Variants in CRB1 observed in about 807,000 individuals in gnomAD.
The protein encoded by CRB1 is protein crumbs homolog 1.
A neutral mutation model predicts 120.0 loss-of-function variants in CRB1; 83 were observed. The observed-to-expected ratio is 0.69, with a 90% CI of 0.58 to 0.83. CRB1 has a LOEUF of 0.83. Among genes scored for constraint, CRB1 ranks in the 40% least tolerant of loss-of-function variants. The probability of loss-of-function intolerance (pLI) is 0.00; values close to 1 mark genes in which losing one functional copy is unlikely to be tolerated. For missense variants in CRB1, 1,699 were observed against 1,687.6 expected (o/e 1.01, Z -0.12); for synonymous variants, 625 against 612.5 (o/e 1.02, Z -0.30).
chr1:197,272,603 A>T (rs1654967608), intron 1 of CRB1, among the ~76,000 whole-genome samples: 1 of 152,184 alleles, frequency 6.6e-6, no homozygotes, highest in Non-Finnish European at 1.5e-5. Context: ...TAATAAAAAG[A>T]AATGAACTAT....
chr1:197,341,815 A>G (rs1659478528), intron 2 of CRB1, among the ~76,000 whole-genome samples: 1 of 152,162 alleles, frequency 6.6e-6, no homozygotes, highest in Non-Finnish European at 1.5e-5. Flanking sequence ...CCTTATCTCC[A>G]TGATTCATTC....
chr1:197,329,020 C>T lies in CRB1; in HGVS notation c.652+17C>T, dbSNP rs779288558. 6.3e-7 allele frequency: 1 copy of T among 1,580,140 alleles called. No homozygotes were observed. The highest frequency in any genetic ancestry group is 1.3e-5 in the African/African-American group (1 of 74,510). On this transcript the variant is annotated intron_variant, in intron 2 of 11. Coordinates refer to ENST00000367400, the MANE Select transcript of CRB1 (RefSeq NM_201253.3). ...ATTATTCTGGTAAGTGTGATCATATCTGAATCACAGATGGTGTAGTTAGCT... is the reference window on the plus strand; with the variant it reads ...ATTATTCTGGTAAGTGTGATCATATTTGAATCACAGATGGTGTAGTTAGCT...
At chr1:197,341,842 AG>A (rs1276715719) in intron 2 of CRB1, among the ~76,000 whole-genome samples, 3 of 152,190 alleles carry the variant, frequency 2.0e-5, no homozygotes, top group Admixed American at 2.0e-4. Flanking sequence ...CCAAGAGGGA[AG>A]GTTGGCTTTC....
chr1:197,272,239 C>T (rs1654946835), intron 1 of CRB1, among the ~76,000 whole-genome samples: 1 of 152,122 alleles, frequency 6.6e-6, no homozygotes, highest in Admixed American at 6.6e-5. Context: ...AATATCCTTG[C>T]AGTGGCATTT....
intron 7 of CRB1, among the ~76,000 whole-genome samples, 181 bp from the exon 8 acceptor site, chr1:197,429,268 A>C (rs1014201835): frequency 6.6e-6 from 1 of 152,172 alleles, no homozygotes; most frequent in Non-Finnish European, 1.5e-5. Context: ...CCTTTTAGAA[A>C]GGAGTTGGTA....
intron 4 of CRB1, among the ~76,000 whole-genome samples, chr1:197,351,473 G>A (rs1331224359): frequency 6.6e-6 from 1 of 152,018 alleles, no homozygotes; most frequent in East Asian, 1.9e-4. Flanking sequence ...ACTGTGTAGG[G>A]CTGGAGGTAG....
At chr1:197,352,419 G>A (rs1660155372) in intron 4 of CRB1, among the ~76,000 whole-genome samples, 1 of 152,092 alleles carries the variant, frequency 6.6e-6, no homozygotes, top group Non-Finnish European at 1.5e-5. Flanking sequence ...TCCCTAACCT[G>A]GCTTATGTGT....
chr1:197,339,475 G>T (rs1054962540), intron 2 of CRB1, among the ~76,000 whole-genome samples: 7 of 152,178 alleles, frequency 4.6e-5, no homozygotes, highest in African/African-American at 1.7e-4. Flanking sequence ...ATAGAGGCCT[G>T]TTAGGCATCA....
chr1:197,298,139 T>C (rs1656647374), intron 1 of CRB1, among the ~76,000 whole-genome samples: 1 of 152,120 alleles, frequency 6.6e-6, no homozygotes, highest in African/African-American at 2.4e-5. Context: ...TGTTCTATTT[T>C]TAGCAAAAAT....
intron 11 of CRB1, among the ~76,000 whole-genome samples, chr1:197,453,785 T>TTA (rs1666107251): frequency 7.0e-6 from 1 of 143,790 alleles, no homozygotes; most frequent in Non-Finnish European, 1.5e-5. Context: ...ATTATTATTA[T>TTA]ATTATTAATA....
intron 1 of CRB1, among the ~76,000 whole-genome samples, chr1:197,299,005 T>G (rs1041004156): frequency 6.6e-6 from 1 of 151,986 alleles, no homozygotes; most frequent in Non-Finnish European, 1.5e-5. Flanking sequence ...TAAGGATAAA[T>G]TCAATTACAT....
intron 7 of CRB1, chr1:197,428,950 AAT>A (rs1558133051): frequency 2.6e-6 from 4 of 1,523,538 alleles, no homozygotes; most frequent in Admixed American, 2.0e-5. Context: ...GAACTCAAAT[AAT>A]AATACTATGT....
the CRB1 span, among the ~76,000 whole-genome samples, chr1:197,207,209 A>G: frequency 2.0e-5 from 3 of 151,568 alleles, no homozygotes; most frequent in East Asian, 1.9e-4. Context: ...GGCCGTTTAC[A>G]TTCAACATTA....
chr1:197,235,256 G>T, the CRB1 span, among the ~76,000 whole-genome samples: 1 of 152,108 alleles, frequency 6.6e-6, no homozygotes, highest in African/African-American at 2.4e-5. Flanking sequence ...TCCTTTCAAA[G>T]GGGGAATGCT....
the CRB1 span, chr1:197,222,406 G>A: frequency 1.3e-6 from 1 of 767,586 alleles, no homozygotes; most frequent in Non-Finnish European, 2.4e-6. Context: ...CTTGCAGTAG[G>A]TGACCTATTT....
chr1:197,222,327 G>C, the CRB1 span: 1 of 726,862 alleles, frequency 1.4e-6, no homozygotes, highest in Non-Finnish European at 2.6e-6. Context: ...TATACCGGGA[G>C]AGTGAATCCC....
intron 11 of CRB1, among the ~76,000 whole-genome samples, chr1:197,455,024 T>C (rs1201051634): frequency 2.0e-5 from 3 of 152,158 alleles, no homozygotes; most frequent in Non-Finnish European, 4.4e-5. Flanking sequence ...TATAATGACA[T>C]ATGTTGGTTA....
intron 5 of CRB1, among the ~76,000 whole-genome samples, chr1:197,372,714 A>AC (rs889183195): frequency 3.3e-5 from 5 of 150,400 alleles, no homozygotes; most frequent in Admixed American, 1.3e-4. Flanking sequence ...TGTCTCTTTA[A>AC]AAAAAAAAAA....
chr1:197,450,784 CAAAAAAAAAA>C (rs71131758), intron 11 of CRB1, among the ~76,000 whole-genome samples: 5 of 59,624 alleles, frequency 8.4e-5, no homozygotes, highest in African/African-American at 4.3e-4. Context: ...ACTAAAAATA[CAAAAAAAAAA>C]AAAAAAAAAA....
Sources: allele counts gnomAD v4.1 joint callset (sites outside exome capture counted in the v4.1 genomes callset), GRCh38; gene constraint gnomAD v4.1.1; transcripts MANE v1.5; gene names NCBI Gene and HGNC (gene_info 2026-07-23, HGNC 2026-07-21).